Variants in SMYD1 observed in about 807,000 individuals in gnomAD.
SMYD1 encodes the protein SET and MYND domain containing 1, also known as histone-lysine N-methyltransferase SMYD1.
Under a neutral mutation model 54.0 loss-of-function variants are expected in SMYD1, and 49 were observed. That is an observed-to-expected ratio of 0.91 (90% CI 0.72 to 1.15). SMYD1 has a LOEUF of 1.15. Ranked by LOEUF, SMYD1 falls within the 50% of genes most tolerant of loss-of-function variation. SMYD1 has a pLI of 0.00. For synonymous variants in SMYD1, 269 were observed against 234.2 expected (o/e 1.15, Z -1.36); for missense variants, 653 against 639.6 (o/e 1.02, Z -0.23).
Position 88,106,485 on chromosome 2 carries a change from A to G in SMYD1, c.1142A>G (p.Tyr381Cys), listed in dbSNP as rs1290334236. Residue 381 changes from tyrosine (Y) to cysteine (C), a missense_variant, in exon 8 of 10, where the codon TAT becomes TGT. Transcript: ENST00000419482. ...TATGCCAGGAGGATGGTGGACGGCT[A>G]TATGTAGGTGACGATTCTAGGTCTC... ...SFYARRMVDG[Y>C]MKLYHPNNAQ... 6.2e-7 allele frequency: 1 copy of G among 1,612,370 alleles called. No homozygotes were observed. The highest frequency in any genetic ancestry group is 8.5e-7 in the Non-Finnish European group (1 of 1,178,630).
At chr2:88,092,378 G>A (rs1445841933) in intron 4 of SMYD1, among the ~76,000 whole-genome samples, 1 of 152,170 alleles carries the variant, frequency 6.6e-6, no homozygotes, top group Non-Finnish European at 1.5e-5. Context: ...GGAAATGTAG[G>A]GGAATGAGGC....
At chr2:88,102,833 C>T (rs528343079) in intron 6 of SMYD1, among the ~76,000 whole-genome samples, 1 of 152,268 alleles carries the variant, frequency 6.6e-6, no homozygotes, top group African/African-American at 2.4e-5. Context: ...GATTGGCTGA[C>T]AGCAAGGGTC....
chr2:88,110,521 C>T lies in SMYD1; in HGVS notation c.*9C>T, dbSNP rs1233078674. The T allele has an allele frequency of 1.3e-6, 2 of 1,558,504 alleles. No homozygotes were observed. The highest frequency in any genetic ancestry group is 1.9e-5 in the Admixed American group (1 of 52,226). ...TCCACAAGAAGCAATGAGGACTGCCCAGTGGAGGAGGGGCGATGTGGCTGG... is the reference window on the plus strand; with the variant it reads ...TCCACAAGAAGCAATGAGGACTGCCTAGTGGAGGAGGGGCGATGTGGCTGG... On this transcript the variant is annotated 3_prime_UTR_variant, in exon 10 of 10. Coordinates refer to ENST00000419482, the MANE Select transcript of SMYD1 (RefSeq NM_198274.4).
intron 4 of SMYD1, among the ~76,000 whole-genome samples, chr2:88,092,729 C>G (rs1441924339): frequency 2.0e-5 from 3 of 152,192 alleles, no homozygotes; most frequent in Non-Finnish European, 4.4e-5. Context: ...GGAATCCTCC[C>G]TAGAGGGGCT....
chr2:88,112,922 T>C lies in SMYD1; in HGVS notation c.*2410T>C, dbSNP rs999578112. Reference sequence around the variant, plus strand: ...TTCTGCACACAGTCTCTGCATGAACTCAGGCAGACCCTTCATTTAATGACC... The same window carrying C: ...TTCTGCACACAGTCTCTGCATGAACCCAGGCAGACCCTTCATTTAATGACC... On this transcript the variant is annotated 3_prime_UTR_variant, in exon 10 of 10. Coordinates refer to ENST00000419482, the MANE Select transcript of SMYD1 (RefSeq NM_198274.4). 1 of 152,218 alleles carries C rather than the reference T, an allele frequency of 6.6e-6. No homozygotes were observed. The highest frequency in any genetic ancestry group is 1.5e-5 in the Non-Finnish European group (1 of 68,060). The allele number at this position is 152,218 out of a possible 1,614,324, so 9.4% of individuals were successfully genotyped here.
At chr2:88,106,032 TTGTG>T (rs759406354) in intron 7 of SMYD1, among the ~76,000 whole-genome samples, 7 of 151,662 alleles carry the variant, frequency 4.6e-5, no homozygotes, top group African/African-American at 1.5e-4. Flanking sequence ...ATGTGTGTGT[TTGTG>T]TGTGTGTGTA....
At chr2:88,077,973 C>T (rs907375023) in intron 1 of SMYD1, among the ~76,000 whole-genome samples, 25 of 152,196 alleles carry the variant, frequency 1.6e-4, no homozygotes, top group African/African-American at 5.5e-4. Flanking sequence ...GACCCACCCG[C>T]CTCGGCCTCC....
chr2:88,080,174 T>G (rs1432651028), intron 1 of SMYD1, among the ~76,000 whole-genome samples: 1 of 152,132 alleles, frequency 6.6e-6, no homozygotes, highest in African/African-American at 2.4e-5. Flanking sequence ...ATACCACATA[T>G]TCCCACATTT....
At chr2:88,074,076 G>C (rs992427569) in intron 1 of SMYD1, among the ~76,000 whole-genome samples, 11 of 152,194 alleles carry the variant, frequency 7.2e-5, no homozygotes, top group African/African-American at 2.4e-4. Flanking sequence ...ATGTTGCCAA[G>C]GCTGGTCTCA....
rs1674599313 is a variant in SMYD1 at position 88,096,754 on chromosome 2, C to G, written c.858C>G (p.Asp286Glu). Residue 286 changes from aspartate (D) to glutamate (E), a missense_variant, in exon 6 of 10, where the codon GAC (aspartate) becomes GAG (glutamate). Transcript: ENST00000419482. ...CEHCQKKLKD[D>E]LFLGVKDNPK... ...ACTGCCAGAAAAAACTGAAGGATGACCTCTTCCTGGGGGTGAAAGACAACC... is the reference window on the plus strand; with the variant it reads ...ACTGCCAGAAAAAACTGAAGGATGAGCTCTTCCTGGGGGTGAAAGACAACC... 8 of 1,614,052 alleles carry G rather than the reference C, an allele frequency of 5.0e-6. No individual in the cohort carries two copies. Among genetic ancestry groups the G allele is most frequent in the Non-Finnish European group, 6.8e-6 (8 of 1,179,958 alleles).
At chr2:88,074,310 G>A (rs1235579609) in intron 1 of SMYD1, among the ~76,000 whole-genome samples, 1 of 152,166 alleles carries the variant, frequency 6.6e-6, no homozygotes, top group Non-Finnish European at 1.5e-5. Context: ...TCTACTTGAG[G>A]CTGCCCACAT....
intron 6 of SMYD1, among the ~76,000 whole-genome samples, chr2:88,101,950 A>G (rs1004788899): frequency 1.3e-5 from 2 of 152,206 alleles, no homozygotes; most frequent in African/African-American, 4.8e-5. Flanking sequence ...TTGATTGGTC[A>G]GTGCTTTTTC....
intron 1 of SMYD1, among the ~76,000 whole-genome samples, chr2:88,079,351 C>G (rs571528983): frequency 8.5e-5 from 13 of 152,216 alleles, no homozygotes; most frequent in African/African-American, 3.1e-4. Context: ...TAATCAGGCC[C>G]TATTAGAAGT....
Position 88,091,098 on chromosome 2 carries a change from C to T in SMYD1, c.615C>T (p.Asn205=). ...VGIFPNLGLV[N]HDCWPNCTVI... Reference sequence around the variant, plus strand: ...TCTTCCCCAACCTGGGCCTGGTGAACCATGACTGTTGGCCCAACTGTACTG... The same window carrying T: ...TCTTCCCCAACCTGGGCCTGGTGAATCATGACTGTTGGCCCAACTGTACTG... Residue 205 remains asparagine, a synonymous_variant, in exon 4 of 10, where the codon AAC becomes AAT. Coordinates refer to ENST00000419482, the MANE Select transcript of SMYD1 (RefSeq NM_198274.4). 1 of 1,614,146 alleles carries T rather than the reference C, an allele frequency of 6.2e-7. No individual in the cohort carries two copies. The highest frequency in any genetic ancestry group is 8.5e-7 in the Non-Finnish European group (1 of 1,180,012).
chr2:88,073,572 C>G (rs1673993812), intron 1 of SMYD1, among the ~76,000 whole-genome samples: 1 of 152,042 alleles, frequency 6.6e-6, no homozygotes, highest in Non-Finnish European at 1.5e-5. Flanking sequence ...GTAGATCTTC[C>G]CATATATCTC....
chr2:88,096,797 C>G lies in SMYD1; in HGVS notation c.888+13C>G. On this transcript the variant is annotated intron_variant, in intron 6 of 9. Transcript: ENST00000419482. ...AGACAACCCCAAGGTACACACAGCC[C>G]TGCTGCTGAGGTGTTTGTGTCTGTC... 1 of 1,608,254 alleles carries G rather than the reference C, an allele frequency of 6.2e-7. No individual in the cohort carries two copies. Among genetic ancestry groups the G allele is most frequent in the Non-Finnish European group, 8.5e-7 (1 of 1,177,228 alleles).
At chr2:88,076,901 A>G (rs931242588) in intron 1 of SMYD1, among the ~76,000 whole-genome samples, 1 of 151,862 alleles carries the variant, frequency 6.6e-6, no homozygotes, top group Non-Finnish European at 1.5e-5. Flanking sequence ...AGTCCCAGCT[A>G]CTTGGGAGGC....
Position 88,110,358 on chromosome 2 carries a change from T to C in SMYD1, c.1319T>C (p.Met440Thr), listed in dbSNP as rs766056392. 8.1e-6 allele frequency: 13 copies of C among 1,611,662 alleles called. No individual in the cohort carries two copies. The South Asian group carries it at 8.9e-5, about 11-fold the overall frequency. The change falls in exon 10 of 10, where the codon ATG becomes ACG. Residue 440 changes from methionine (M) to threonine (T), a missense_variant. Transcript: ENST00000419482. ...SHPITKDLEA[M>T]RVQTEMELRM... The stretch of plus-strand genomic sequence containing the variant: ...CGGTGTATCTGTGTCCCACAGGCCA[T>C]GCGGGTGCAGACGGAGATGGAGCTA...
intron 7 of SMYD1, among the ~76,000 whole-genome samples, chr2:88,105,127 A>G (rs561600889): frequency 2.0e-5 from 3 of 152,334 alleles, no homozygotes; most frequent in Admixed American, 6.5e-5. Context: ...AGTGTTTTAA[A>G]AAAGCTTTCA....
Sources: allele counts gnomAD v4.1 joint callset (sites outside exome capture counted in the v4.1 genomes callset), GRCh38; gene constraint gnomAD v4.1.1; transcripts MANE v1.5; gene names NCBI Gene and HGNC (gene_info 2026-07-23, HGNC 2026-07-21).